CHODL: variants seen among roughly 807,000 people sequenced by gnomAD.
CHODL encodes transmembrane protein MT75.
In CHODL, 29 loss-of-function variants were observed where a neutral mutation model predicts 34.5. That is an observed-to-expected ratio of 0.84 (90% confidence interval 0.63 to 1.15). The LOEUF (loss-of-function observed/expected upper bound fraction) is 1.15. CHODL is among the 50% of genes most tolerant of loss of function. The pLI is 0.00. For synonymous variants in CHODL, 125 were observed against 116.1 expected (o/e 1.08, Z -0.49); for missense variants, 332 against 332.5 (o/e 1.00, Z 0.01).
rs570259284 is a variant in CHODL, at chr21:18,211,168, A to T, written c.-44-45341A>T. On this transcript the variant is annotated intron_variant, in intron 2 of 6. Transcript: ENST00000400127. ...CACACACACACACACACACACACAC[A>T]CTCACACTCACACCCTGGCCGCATT... Among the ~76,000 whole-genome samples the T allele has an allele frequency of 1.7e-3, 223 of 133,862 alleles. 1 individual carries two copies. Among genetic ancestry groups the T allele is most frequent in the African/African-American group, 4.5e-3 (173 of 38,214 alleles). The allele number at this position is 133,862 out of a possible 152,430, so 87.8% of individuals were successfully genotyped here. A position where few individuals can be genotyped will look rare whatever the true frequency, so the allele number is the denominator to read the frequency against.
At chr21:18,015,235 T>C (rs1424894681) in intron 1 of CHODL, among the ~76,000 whole-genome samples, 1 of 152,194 alleles carries the variant, frequency 6.6e-6, no homozygotes, top group Non-Finnish European at 1.5e-5. Context: ...TCCCCCTTGC[T>C]GTTCCCATGA....
At chr21:18,051,220 G>T (rs1226938634) in intron 2 of CHODL, among the ~76,000 whole-genome samples, 1 of 151,780 alleles carries the variant, frequency 6.6e-6, no homozygotes, top group Non-Finnish European at 1.5e-5. Flanking sequence ...GAGCATGATG[G>T]TTTCCAGCTT....
At chr21:18,009,613 A>G (rs158074) in intron 1 of CHODL, among the ~76,000 whole-genome samples, 111,041 of 152,036 alleles carry the variant, frequency 0.73, 41,304 homozygotes, top group African/African-American at 0.83. Context: ...GAAATTGTTG[A>G]CTGACTTGCT....
chr21:18,251,625 AT>A (rs2074251023), intron 1 of CHODL, among the ~76,000 whole-genome samples: 1 of 119,612 alleles, frequency 8.4e-6, no homozygotes, highest in South Asian at 2.3e-4. Flanking sequence ...TAAAATATTT[AT>A]TTTATTTATT....
intron 2 of CHODL, among the ~76,000 whole-genome samples, chr21:18,116,267 T>C (rs1261811459): frequency 6.6e-6 from 1 of 152,102 alleles, no homozygotes; most frequent in African/African-American, 2.4e-5. Context: ...AATTCCAAAT[T>C]TAAGTCAAGT....
At chr21:18,229,965 G>A (rs879473705) in intron 2 of CHODL, among the ~76,000 whole-genome samples, 4 of 152,140 alleles carry the variant, frequency 2.6e-5, no homozygotes, top group Non-Finnish European at 4.4e-5. Flanking sequence ...TTCAAGCAGC[G>A]ACTTGACTGT....
chr21:18,264,919 G>A (rs1246132675), intron 5 of CHODL, among the ~76,000 whole-genome samples: 1 of 152,074 alleles, frequency 6.6e-6, no homozygotes, highest in Non-Finnish European at 1.5e-5. Context: ...GAAGCGATGG[G>A]AGGAGGGGAA....
chr21:17,946,923 A>G (rs1036005900), intron 1 of CHODL, among the ~76,000 whole-genome samples: 1 of 152,046 alleles, frequency 6.6e-6, no homozygotes, highest in Admixed American at 6.5e-5. Flanking sequence ...TATTGGTTTT[A>G]TAGATCCTTT....
chr21:18,134,233 G>A (rs1405753084), intron 2 of CHODL: 1 of 467,634 alleles, frequency 2.1e-6, no homozygotes, highest in South Asian at 1.5e-5. Flanking sequence ...TGTTATCTAG[G>A]TGTGCATATG....
intron 1 of CHODL, among the ~76,000 whole-genome samples, chr21:17,969,498 C>T (rs1364356776): frequency 6.6e-6 from 1 of 152,074 alleles, no homozygotes; most frequent in Admixed American, 6.6e-5. Flanking sequence ...GGCTTTATAG[C>T]CTAAATGCTG....
chr21:17,926,374 GGGTT>G (rs1218971141), intron 1 of CHODL, among the ~76,000 whole-genome samples: 35 of 68,078 alleles, frequency 5.1e-4, no homozygotes, highest in African/African-American at 1.2e-3. Flanking sequence ...TAAATAAGGT[GGGTT>G]TTTTTTTTTT....
intron 1 of CHODL, among the ~76,000 whole-genome samples, chr21:18,249,028 TTA>T (rs1188244981): frequency 1.7e-5 from 2 of 120,280 alleles, no homozygotes; most frequent in African/African-American, 6.7e-5. Context: ...ATACATAATA[TTA>T]ATATATATAA....
intron 2 of CHODL, among the ~76,000 whole-genome samples, chr21:18,060,008 T>A (rs1392609316): frequency 8.5e-5 from 13 of 152,186 alleles, no homozygotes; most frequent in East Asian, 1.9e-4. Context: ...TTAAGATTTT[T>A]AAAATCTGTC....
At position 17,919,133 on chromosome 21, in the gene CHODL, C is replaced by T. The variant is rs546109285; in HGVS notation, c.-145+1733C>T. On this transcript the variant is annotated intron_variant, in intron 1 of 6. Transcript: ENST00000400127. Reference sequence around the variant, plus strand: ...TGAGTGTCTGCGGCTTTTACAGGTGCGCAGTGCAAGCTGTCAGTGGATCTA... The same window carrying T: ...TGAGTGTCTGCGGCTTTTACAGGTGTGCAGTGCAAGCTGTCAGTGGATCTA... 5.9e-5 allele frequency among the ~76,000 whole-genome samples: 9 copies of T among 152,262 alleles called. No homozygotes were observed. The South Asian group carries it at 1.5e-3, about 25-fold the overall frequency.
chr21:18,136,124 AG>A (rs1312091856), intron 2 of CHODL, among the ~76,000 whole-genome samples: 46 of 134,704 alleles, frequency 3.4e-4, no homozygotes, highest in Admixed American at 1.0e-3. Context: ...AAAAAGAAAA[AG>A]AAAAAAAAGA....
chr21:18,060,150 G>T (rs2064640546), intron 2 of CHODL, among the ~76,000 whole-genome samples: 1 of 151,878 alleles, frequency 6.6e-6, no homozygotes. Flanking sequence ...GAAGCCACGG[G>T]GACACCTTTA....
chr21:18,180,131 T>C (rs1568925534), intron 2 of CHODL, among the ~76,000 whole-genome samples: 1 of 152,226 alleles, frequency 6.6e-6, no homozygotes, highest in Non-Finnish European at 1.5e-5. Context: ...TTAACTTCTA[T>C]TATTAGTATT....
chr21:18,187,184 C>T (rs903928347), intron 2 of CHODL, among the ~76,000 whole-genome samples: 3 of 152,146 alleles, frequency 2.0e-5, no homozygotes, highest in Non-Finnish European at 1.5e-5. Context: ...CATTTCTAGG[C>T]TTCATTCAAA....
chr21:17,976,269 A>AG lies in CHODL; in HGVS notation c.-144-51602dup, dbSNP rs1491469712. On this transcript the variant is annotated intron_variant, in intron 1 of 6. Coordinates refer to the CHODL transcript ENST00000400127. ...CTGGGTGACACAGTGAGACCATCTC[A>AG]GAAAAAAAAAAAAAAAAAAAAAAAA... Among the ~76,000 whole-genome samples the AG allele has an allele frequency of 4.0e-5, 4 of 101,118 alleles. No homozygotes were observed. The East Asian group carries it at 6.4e-4, about 16-fold the overall frequency. 66.3% of individuals were successfully genotyped at this position (101,118 alleles called of 152,430 possible).
Sources: allele counts gnomAD v4.1 joint callset (sites outside exome capture counted in the v4.1 genomes callset), GRCh38; gene constraint gnomAD v4.1.1; transcripts MANE v1.5; gene names NCBI Gene and HGNC (gene_info 2026-07-23, HGNC 2026-07-21).